UNC13C: variants seen among roughly 807,000 people sequenced by gnomAD.
UNC13C encodes the protein unc-13 homolog C, also known as protein unc-13 homolog C.
A neutral mutation model predicts 245.4 loss-of-function variants in UNC13C; 174 were observed. The observed-to-expected ratio is 0.71, with a 90% CI of 0.63 to 0.80. UNC13C has a LOEUF of 0.80. UNC13C is among the 30% of genes least tolerant of loss of function. UNC13C has a pLI of 0.00. For synonymous variants in UNC13C, 992 were observed against 895.1 expected (o/e 1.11, Z -1.93); for missense variants, 2,829 against 2,602.9 (o/e 1.09, Z -1.89).
Position 54,136,024 on chromosome 15 carries a change from T to C in UNC13C, c.2984-6994T>C, listed in dbSNP as rs147178081. On this transcript the variant is annotated intron_variant, in intron 2 of 32. Transcript: ENST00000260323. ...ATTTATGTTTTCTTCAATTATTTCATCGATGTCTTATAGTTTTCAGTGTAG... is the reference window on the plus strand; with the variant it reads ...ATTTATGTTTTCTTCAATTATTTCACCGATGTCTTATAGTTTTCAGTGTAG... Among the ~76,000 whole-genome samples, 13 of 152,328 alleles carry C rather than the reference T, an allele frequency of 8.5e-5. No homozygotes were observed. In the East Asian group the frequency reaches 2.5e-3, roughly 29 times the overall value.
chr15:54,274,864 G>A (rs965267548), intron 10 of UNC13C, among the ~76,000 whole-genome samples: 1 of 151,802 alleles, frequency 6.6e-6, no homozygotes, highest in Non-Finnish European at 1.5e-5. Context: ...TAGAGACAGG[G>A]TTTCACCATG....
chr15:54,300,223 AC>A lies in UNC13C; in HGVS notation c.4119del (p.Leu1374Ter). On this transcript the variant is annotated frameshift_variant, in exon 13 of 33. Transcript: ENST00000260323. LOFTEE classifies it high-confidence loss of function. The stretch of plus-strand genomic sequence containing the variant: ...ACTTGCTTTTAGAATCTGTTCCATT[AC>A]TTGACTGAAGTGAAATCTAATGGTG... ...YTCLHENLFH[Y>X]LTEVKSNGGV... is the part of the protein sequence containing the mutation. The A allele has an allele frequency of 6.3e-7, 1 of 1,599,874 alleles. No homozygotes were observed. The highest frequency in any genetic ancestry group is 8.5e-7 in the Non-Finnish European group (1 of 1,172,532).
chr15:53,910,375 A>G, the UNC13C span, among the ~76,000 whole-genome samples: 10 of 146,162 alleles, frequency 6.8e-5, 1 homozygote, highest in African/African-American at 1.7e-4. Flanking sequence ...TGAGTTTGGC[A>G]TGCAAGCACA....
intron 13 of UNC13C, chr15:54,321,508 A>G: frequency 2.1e-6 from 1 of 477,292 alleles, no homozygotes. Flanking sequence ...TGACAAACCC[A>G]AAGCCCCTGG....
chr15:53,962,274 A>G, the UNC13C span, among the ~76,000 whole-genome samples: 1 of 152,152 alleles, frequency 6.6e-6, no homozygotes, highest in Non-Finnish European at 1.5e-5. Context: ...TGAAAATATC[A>G]GACAAATATA....
At chr15:53,886,823 C>G in the UNC13C span, among the ~76,000 whole-genome samples, 1 of 152,092 alleles carries the variant, frequency 6.6e-6, no homozygotes, top group Non-Finnish European at 1.5e-5. Context: ...GACACTTTAC[C>G]TCTGTGATTT....
At chr15:54,160,351 T>G (rs1272363767) in intron 4 of UNC13C, among the ~76,000 whole-genome samples, 1 of 150,012 alleles carries the variant, frequency 6.7e-6, no homozygotes, top group Non-Finnish European at 1.5e-5. Flanking sequence ...GACTGAATGA[T>G]TAAGAAAGAA....
intron 13 of UNC13C, among the ~76,000 whole-genome samples, chr15:54,317,606 A>C (rs1229001735): frequency 1.3e-5 from 2 of 151,900 alleles, no homozygotes; most frequent in Middle Eastern, 6.3e-3. Flanking sequence ...TATTTAGTTT[A>C]TTTTAAACTG....
intron 2 of UNC13C, among the ~76,000 whole-genome samples, chr15:54,132,895 T>A (rs1025944190): frequency 6.6e-6 from 1 of 152,186 alleles, no homozygotes; most frequent in Non-Finnish European, 1.5e-5. Context: ...TGGAACTCAA[T>A]TTACATACAA....
At chr15:54,081,329 T>C (rs1898927189) in intron 2 of UNC13C, among the ~76,000 whole-genome samples, 1 of 152,104 alleles carries the variant, frequency 6.6e-6, no homozygotes, top group African/African-American at 2.4e-5. Context: ...CCAATTTAAG[T>C]CCTGAGTTAC....
At chr15:54,157,631 G>A (rs373846084) in intron 4 of UNC13C, among the ~76,000 whole-genome samples, 12 of 152,024 alleles carry the variant, frequency 7.9e-5, no homozygotes, top group African/African-American at 2.7e-4. Context: ...CTACCCCAAC[G>A]GGCTACTCAA....
intron 14 of UNC13C, among the ~76,000 whole-genome samples, chr15:54,328,010 G>A (rs184131797): frequency 2.6e-5 from 4 of 152,212 alleles, no homozygotes; most frequent in Middle Eastern, 3.4e-3. Context: ...AAGGGAGGTC[G>A]AGACCTAGAG....
chr15:54,559,008 G>C (rs913580596), intron 29 of UNC13C, among the ~76,000 whole-genome samples: 1 of 151,942 alleles, frequency 6.6e-6, no homozygotes, highest in Non-Finnish European at 1.5e-5. Context: ...AATGCTGAAT[G>C]ATTTAATTTT....
At chr15:54,459,956 G>A (rs891706238) in intron 19 of UNC13C, among the ~76,000 whole-genome samples, 4 of 152,096 alleles carry the variant, frequency 2.6e-5, no homozygotes, top group African/African-American at 9.7e-5. Flanking sequence ...GATATTTTCT[G>A]AGTGTTATAG....
At chr15:54,459,802 T>C (rs974257863) in intron 19 of UNC13C, among the ~76,000 whole-genome samples, 1 of 152,122 alleles carries the variant, frequency 6.6e-6, no homozygotes. Flanking sequence ...CCATATTCTT[T>C]TTTTTTTATT....
chr15:54,411,083 A>G (rs537445798), intron 18 of UNC13C, among the ~76,000 whole-genome samples: 2 of 152,286 alleles, frequency 1.3e-5, no homozygotes, highest in African/African-American at 4.8e-5. Flanking sequence ...ATTGGCAAAT[A>G]TCTAATGACT....
chr15:54,297,208 A>G (rs2037459426), intron 11 of UNC13C, among the ~76,000 whole-genome samples: 2 of 152,190 alleles, frequency 1.3e-5, no homozygotes, highest in Admixed American at 1.3e-4. Flanking sequence ...TCATTGTATA[A>G]ACTGATCAAA....
chr15:54,326,230 G>A (rs1475269545), intron 14 of UNC13C, among the ~76,000 whole-genome samples: 1 of 152,010 alleles, frequency 6.6e-6, no homozygotes, highest in Admixed American at 6.6e-5. Flanking sequence ...GACAAGTGTT[G>A]CTCATTTACA....
chr15:54,416,859 T>C (rs2040532759), intron 19 of UNC13C: 1 of 455,790 alleles, frequency 2.2e-6, no homozygotes, highest in Admixed American at 2.4e-5. Flanking sequence ...CGGGTTATCA[T>C]TGATTCCTTT....
Sources: gnomAD v4.1 joint callset for allele counts (sites outside exome capture counted in the v4.1 genomes callset) on GRCh38, gnomAD v4.1.1 for gene constraint, MANE v1.5 for transcripts, NCBI Gene and HGNC (gene_info 2026-07-23, HGNC 2026-07-21) for gene names.